Variants in SLC52A3 observed in about 807,000 individuals in gnomAD.
SLC52A3 encodes solute carrier family 52, riboflavin transporter, member 3.
In SLC52A3, 20 loss-of-function variants were observed where a neutral mutation model predicts 29.5. The observed-to-expected ratio is 0.68, with a 90% CI of 0.48 to 0.99. SLC52A3 has a LOEUF of 0.99. Among genes scored for constraint, SLC52A3 ranks in the 50% least tolerant of loss-of-function variants. The pLI is 0.00. For synonymous variants in SLC52A3, 301 were observed against 271.0 expected, an observed-to-expected ratio of 1.11 and a Z score of -1.09; for missense variants, 548 against 612.9, an observed-to-expected ratio of 0.89 and a Z score of 1.12.
chr20:769,496 G>C (rs1986783983), upstream of SLC52A3, among the ~76,000 whole-genome samples: 1 of 152,224 alleles, frequency 6.6e-6, no homozygotes, highest in Admixed American at 6.5e-5. Context: ...ACTGTTGCTA[G>C]GAACATGCAC....
upstream of SLC52A3, among the ~76,000 whole-genome samples, chr20:769,598 A>G (rs1161416189): frequency 6.6e-6 from 1 of 152,216 alleles, no homozygotes; most frequent in Non-Finnish European, 1.5e-5. Flanking sequence ...AGTTGCATTC[A>G]AAAACATGTA....
chr20:775,589 C>T (rs1485114897), intron 1 of SLC52A3, among the ~76,000 whole-genome samples: 1 of 152,110 alleles, frequency 6.6e-6, no homozygotes, highest in African/African-American at 2.4e-5. Context: ...ATGGGCCCAG[C>T]CTTTTGGTCT....
chr20:767,653 C>A (rs1385784517), intron 1 of SLC52A3, among the ~76,000 whole-genome samples: 1 of 152,122 alleles, frequency 6.6e-6, no homozygotes, highest in East Asian at 1.9e-4. Flanking sequence ...CCGCTCCTGG[C>A]CCTGCCTCTG....
At chr20:763,464 C>A (rs374673660) in intron 3 of SLC52A3, 34 bp downstream of exon 3, 4 of 1,613,256 alleles carry the variant, frequency 2.5e-6, no homozygotes, top group Non-Finnish European at 1.7e-6. Context: ...AGTGTTCCCC[C>A]ACTAGGATTC....
At chr20:769,451 CA>C (rs1029797094), upstream of SLC52A3, among the ~76,000 whole-genome samples, 1 of 152,184 alleles carries the variant, frequency 6.6e-6, no homozygotes, top group Non-Finnish European at 1.5e-5. Flanking sequence ...TCTTCTCTTG[CA>C]AAACAGCTAT....
rs1986558866 is a variant in SLC52A3 at position 763,539 on chromosome 20, G to A, written c.1032C>T (p.Ala344=). ...TGGAGACCAACGAGGCAAGAGGGTT[G>A]GCCACAATGCTGAGGGTGGCAGCCA... ...YHLAATLSIV[A]NPLASLVSMF... Residue 344 remains alanine (A), a synonymous_variant, in exon 3 of 5, where the codon GCC becomes GCT. Transcript: ENST00000645534. 1 of 1,614,018 alleles carries A rather than the reference G, an allele frequency of 6.2e-7. No individual in the cohort carries two copies. Among genetic ancestry groups the A allele is most frequent in the South Asian group, 1.1e-5 (1 of 91,086 alleles).
upstream of SLC52A3, among the ~76,000 whole-genome samples, chr20:769,528 G>T (rs1986785595): frequency 6.6e-6 from 1 of 152,220 alleles, no homozygotes; most frequent in Non-Finnish European, 1.5e-5. Flanking sequence ...AACTGTGCCT[G>T]CCACATAGTG....
At chr20:774,442 A>T in intron 1 of SLC52A3, among the ~76,000 whole-genome samples, 1 of 152,118 alleles carries the variant, frequency 6.6e-6, no homozygotes, top group Admixed American at 6.5e-5. Context: ...TGAGCCCATG[A>T]AGAAGGGAGG....
In SLC52A3 at chr20:765,413, G is replaced by A. The variant is rs1893314055; in HGVS notation, c.362C>T (p.Thr121Ile). 6.2e-7 allele frequency: 1 copy of A among 1,613,978 alleles called. No individual in the cohort carries two copies. The highest frequency in any genetic ancestry group is 8.5e-7 in the Non-Finnish European group (1 of 1,179,928). The change falls in exon 2 of 5, where the codon ACC becomes ATC. Residue 121 changes from threonine (T) to isoleucine (I), a missense_variant. Thr to Ile is a moderately conservative substitution (Grantham distance 89). Transcript: ENST00000645534. The surrounding 1 kb of genome is among the most constrained non-coding windows in gnomAD (Gnocchi z 6.6). ...GAACGGCAGGAAGGTCACTGAAGAG[G>A]TGCAGTCCACCAGGGCCAGGAAGAA... ...LTFFLALVDC[T>I]SSVTFLPFMS... is the part of the protein sequence containing the mutation.
rs1236849359 is a variant in SLC52A3, at chr20:765,312, C to G, written c.463G>C (p.Val155Leu). 6.2e-7 allele frequency: 1 copy of G among 1,614,066 alleles called. No homozygotes were observed. The highest frequency in any genetic ancestry group is 1.1e-5 in the South Asian group (1 of 91,076). ...AGACCGGAGCCCTGGGCAAGAGCCA[C>G]CAGGGCGGGCAAGAGGCCGCTGAGT... ...EGLSGLLPAL[V>L]ALAQGSGLTT... is the part of the protein sequence containing the mutation. The change falls in exon 2 of 5, where the codon GTG becomes CTG. Residue 155 changes from valine (V) to leucine (L), a missense_variant. Val to Leu is a conservative substitution (Grantham distance 32). Around this residue, in one of 2 missense-constraint regions of SLC52A3, gnomAD observed 375 missense variants for 471.1 expected, o/e 0.80. Coordinates refer to ENST00000645534, the MANE Select transcript of SLC52A3 (RefSeq NM_033409.4). This position sits in a 1 kb window ranked among gnomAD's most constrained non-coding sequence, Gnocchi z 6.6.
rs373350870 is a variant in SLC52A3, at chr20:763,680, C to T, written c.891G>A (p.Pro297=). 1.4e-5 allele frequency: 23 copies of T among 1,614,034 alleles called. No homozygotes were observed. Among genetic ancestry groups the T allele is most frequent in the Middle Eastern group, 1.6e-4 (1 of 6,084 alleles). ...GGGTATAGATGAAGGCCAGGTGCGC[C>T]GGGCAGCAGGGGGCTGCTTTCTCCT... ...YLEEKAAPCC[P]AHLAFIYTLV... is the part of the protein sequence containing the mutation. The change falls in exon 3 of 5, where the codon CCG becomes CCA. Residue 297 remains proline (P), a synonymous_variant. Coordinates refer to ENST00000645534, the MANE Select transcript of SLC52A3 (RefSeq NM_033409.4).
chr20:769,028 G>T (rs1986772957), upstream of SLC52A3, among the ~76,000 whole-genome samples: 1 of 152,222 alleles, frequency 6.6e-6, no homozygotes, highest in Admixed American at 6.5e-5. Flanking sequence ...TTGTGTGGGT[G>T]CATGCAGGCA....
upstream of SLC52A3, among the ~76,000 whole-genome samples, chr20:777,573 C>A (rs1275163812): frequency 6.6e-6 from 1 of 152,224 alleles, no homozygotes; most frequent in Non-Finnish European, 1.5e-5. Flanking sequence ...CAGATTCTGA[C>A]ACCTAGTAAA....
chr20:778,054 T>C (rs1393451102), upstream of SLC52A3, among the ~76,000 whole-genome samples: 1 of 151,844 alleles, frequency 6.6e-6, no homozygotes, highest in Non-Finnish European at 1.5e-5. Context: ...CACTTTTTTT[T>C]GCCCAGGCTG....
chr20:761,642 G>T, intron 4 of SLC52A3, 59 bp downstream of exon 4: 1 of 1,606,968 alleles, frequency 6.2e-7, no homozygotes. Flanking sequence ...AGCTCTCCCA[G>T]GCCTTGGCTA....
At chr20:768,017 T>C (rs192617739) in intron 1 of SLC52A3, among the ~76,000 whole-genome samples, 23 of 152,342 alleles carry the variant, frequency 1.5e-4, no homozygotes, top group African/African-American at 5.5e-4. Context: ...CCTGGGCAAG[T>C]GGCTTTGCCT....
At chr20:776,517 A>C (rs1987034631), upstream of SLC52A3, among the ~76,000 whole-genome samples, 1 of 152,176 alleles carries the variant, frequency 6.6e-6, no homozygotes. Context: ...CAGATGAAGA[A>C]ACAGGCCCAG....
At position 761,001 on chromosome 20, in the gene SLC52A3, G is replaced by A; in HGVS notation, c.*25C>T. The A allele has an allele frequency of 1.3e-6, 2 of 1,579,064 alleles. No individual in the cohort carries two copies. Among genetic ancestry groups the A allele is most frequent in the Non-Finnish European group, 1.7e-6 (2 of 1,164,874 alleles). On this transcript the variant is annotated 3_prime_UTR_variant, in exon 5 of 5. Transcript: ENST00000645534. Reference sequence around the variant, plus strand: ...CTGGACCCCAGTTCCGTCCGTGAGCGATGGGGGCGGGGTCGGCGGCCTGCC... The same window carrying A: ...CTGGACCCCAGTTCCGTCCGTGAGCAATGGGGGCGGGGTCGGCGGCCTGCC...
intron 4 of SLC52A3, 159 bp from the exon 5 acceptor site, chr20:761,397 G>A: frequency 1.1e-6 from 1 of 883,504 alleles, no homozygotes. Flanking sequence ...GGTCCCATGA[G>A]TTGGCCGCCC....
Sources: allele counts gnomAD v4.1 joint callset (sites outside exome capture counted in the v4.1 genomes callset), GRCh38; gene constraint gnomAD v4.1.1; regional missense constraint gnomAD v4.1.1; non-coding constraint Gnocchi (gnomAD v3.1); transcripts MANE v1.5; gene names NCBI Gene and HGNC (gene_info 2026-07-23, HGNC 2026-07-21).